LHFPL3: variants seen among roughly 807,000 people sequenced by gnomAD.
The protein encoded by LHFPL3 is LHFPL tetraspan subfamily member 3, also known as LHFPL tetraspan subfamily member 3 protein.
A neutral mutation model predicts 19.3 loss-of-function variants in LHFPL3; 5 were observed. The ratio of observed to expected loss-of-function variants is 0.26; its 90% CI spans 0.14 to 0.54. The LOEUF (loss-of-function observed/expected upper bound fraction) is 0.54. LHFPL3 is among the 20% of genes least tolerant of loss of function. The pLI is 0.94. For synonymous variants in LHFPL3, 133 were observed against 126.2 expected (o/e 1.05, Z -0.36); for missense variants, 249 against 307.4 (o/e 0.81, Z 1.42).
chr7:104,633,343 A>G (rs1364830545), intron 1 of LHFPL3, among the ~76,000 whole-genome samples: 1 of 152,220 alleles, frequency 6.6e-6, no homozygotes, highest in Non-Finnish European at 1.5e-5. Flanking sequence ...ATTAATTCCT[A>G]TCCACAACAG....
chr7:104,423,002 G>C (rs1440036319), intron 1 of LHFPL3, among the ~76,000 whole-genome samples: 1 of 152,170 alleles, frequency 6.6e-6, no homozygotes, highest in Non-Finnish European at 1.5e-5. Context: ...GGGTACTGGG[G>C]ACGCAATGGT....
At chr7:104,717,636 A>T (rs1182644114) in intron 1 of LHFPL3, among the ~76,000 whole-genome samples, 2 of 152,264 alleles carry the variant, frequency 1.3e-5, no homozygotes, top group African/African-American at 4.8e-5. Context: ...GATGACTACT[A>T]TAAAAAAAAG....
intron 1 of LHFPL3, among the ~76,000 whole-genome samples, chr7:104,343,582 A>C (rs1314850039): frequency 7.0e-6 from 1 of 143,268 alleles, no homozygotes; most frequent in Non-Finnish European, 1.5e-5. Flanking sequence ...ATGAAAGAGA[A>C]GGTGATTTAA....
intron 1 of LHFPL3, among the ~76,000 whole-genome samples, chr7:104,351,180 T>G (rs1260976292): frequency 6.6e-6 from 1 of 151,902 alleles, no homozygotes; most frequent in Non-Finnish European, 1.5e-5. Flanking sequence ...GATCAATGAG[T>G]GCAGTTAACA....
intron 1 of LHFPL3, among the ~76,000 whole-genome samples, chr7:104,651,286 G>A (rs529581536): frequency 6.6e-6 from 1 of 152,178 alleles, no homozygotes; most frequent in African/African-American, 2.4e-5. Flanking sequence ...TTGAACAAAG[G>A]CTTGATTGTC....
intron 1 of LHFPL3, among the ~76,000 whole-genome samples, chr7:104,569,269 C>G (rs1006717563): frequency 1.3e-5 from 2 of 152,110 alleles, no homozygotes; most frequent in Non-Finnish European, 2.9e-5. Flanking sequence ...TGACTGTGTC[C>G]TATTAAGACT....
intron 1 of LHFPL3, among the ~76,000 whole-genome samples, chr7:104,577,486 C>CTA (rs1234942476): frequency 3.3e-5 from 5 of 151,922 alleles, no homozygotes; most frequent in Admixed American, 2.0e-4. Flanking sequence ...ATACACATAC[C>CTA]TATATATATG....
chr7:104,601,365 G>A (rs1016212778), intron 1 of LHFPL3, among the ~76,000 whole-genome samples: 4 of 152,112 alleles, frequency 2.6e-5, no homozygotes, highest in Admixed American at 1.3e-4. Context: ...TCAACAAAAT[G>A]TGTTGAGTAC....
rs1299703394 is a variant in LHFPL3, at chr7:104,888,642, T to A, written c.683-17545T>A. 3.3e-5 allele frequency among the ~76,000 whole-genome samples: 5 copies of A among 152,360 alleles called. No homozygotes were observed. The East Asian group carries it at 9.6e-4, about 29-fold the overall frequency. ...GGGGATTCAGAGATGTAAGGCCTGGTTCTTGTCCTTGAGGCATGCACAATG... is the reference window on the plus strand; with the variant it reads ...GGGGATTCAGAGATGTAAGGCCTGGATCTTGTCCTTGAGGCATGCACAATG... On this transcript the variant is annotated intron_variant, in intron 2 of 2. Coordinates refer to ENST00000424859, the MANE Select transcript of LHFPL3 (RefSeq NM_199000.3).
At chr7:104,888,341 G>T (rs1024179796) in intron 2 of LHFPL3, among the ~76,000 whole-genome samples, 25 of 152,174 alleles carry the variant, frequency 1.6e-4, no homozygotes, top group African/African-American at 5.8e-4. Context: ...AACCAGCCTG[G>T]ACAATATAGC....
intron 1 of LHFPL3, among the ~76,000 whole-genome samples, chr7:104,465,082 C>A (rs968601676): frequency 3.3e-5 from 5 of 152,268 alleles, no homozygotes; most frequent in Admixed American, 1.3e-4. Flanking sequence ...GGGGCAGGGG[C>A]AAAATGCCAC....
chr7:104,533,234 C>G (rs1036714856), intron 1 of LHFPL3, among the ~76,000 whole-genome samples: 1 of 152,198 alleles, frequency 6.6e-6, no homozygotes, highest in Non-Finnish European at 1.5e-5. Flanking sequence ...TTCTGAAACT[C>G]TCTTCTCCAC....
chr7:104,649,636 A>G (rs1791994085), intron 1 of LHFPL3, among the ~76,000 whole-genome samples: 1 of 152,216 alleles, frequency 6.6e-6, no homozygotes, highest in Admixed American at 6.5e-5. Flanking sequence ...GAAAAACTAA[A>G]CAAAGCCTCC....
Position 104,613,945 on chromosome 7 carries a change from A to C in LHFPL3, c.446-122730A>C, listed in dbSNP as rs1417887706. Among the ~76,000 whole-genome samples, 4 of 152,162 alleles carry C rather than the reference A, an allele frequency of 2.6e-5. No homozygotes were observed. In the East Asian group the frequency reaches 7.7e-4, roughly 29 times the overall value. On this transcript the variant is annotated intron_variant, in intron 1 of 2. Coordinates refer to ENST00000424859, the MANE Select transcript of LHFPL3 (RefSeq NM_199000.3). Reference sequence around the variant, plus strand: ...GTCATTTATGTTTGCCAATTAGCACATAAGTTAGGCTCCTACCCTCCCACA... The same window carrying C: ...GTCATTTATGTTTGCCAATTAGCACCTAAGTTAGGCTCCTACCCTCCCACA...
intron 2 of LHFPL3, among the ~76,000 whole-genome samples, chr7:104,857,182 A>C (rs1174776517): frequency 6.6e-6 from 1 of 152,210 alleles, no homozygotes; most frequent in Non-Finnish European, 1.5e-5. Flanking sequence ...CGATGCAGCA[A>C]GGACGCACTG....
At chr7:104,642,383 G>C (rs1791854464) in intron 1 of LHFPL3, among the ~76,000 whole-genome samples, 1 of 152,040 alleles carries the variant, frequency 6.6e-6, no homozygotes, top group Non-Finnish European at 1.5e-5. Context: ...ACTTCACACA[G>C]AGATTTTCTA....
chr7:104,356,435 C>A lies in LHFPL3; in HGVS notation c.445+27211C>A, dbSNP rs1361231384. ...ATAAATGGCCTGGAGTCATCCTTTC[C>A]TGACTTTTCCAAATCTCTCCATTTT... On this transcript the variant is annotated intron_variant, in intron 1 of 2. Coordinates refer to ENST00000424859, the MANE Select transcript of LHFPL3 (RefSeq NM_199000.3). 2.0e-5 allele frequency among the ~76,000 whole-genome samples: 3 copies of A among 152,170 alleles called. No individual in the cohort carries two copies. The East Asian group carries it at 5.8e-4, about 29-fold the overall frequency.
At chr7:104,618,596 C>T (rs775716885) in intron 1 of LHFPL3, among the ~76,000 whole-genome samples, 8 of 151,866 alleles carry the variant, frequency 5.3e-5, no homozygotes, top group Non-Finnish European at 1.0e-4. Flanking sequence ...TCCATTTCTT[C>T]GCATTTCTTA....
intron 1 of LHFPL3, among the ~76,000 whole-genome samples, chr7:104,589,842 A>C (rs1790669454): frequency 6.6e-6 from 1 of 152,082 alleles, no homozygotes; most frequent in African/African-American, 2.4e-5. Flanking sequence ...TAATCTTGGG[A>C]GGGTGTATGT....
Sources: allele counts gnomAD v4.1 joint callset (sites outside exome capture counted in the v4.1 genomes callset), GRCh38; gene constraint gnomAD v4.1.1; transcripts MANE v1.5; gene names NCBI Gene and HGNC (gene_info 2026-07-23, HGNC 2026-07-21).